Variants in PTPRN2 observed in about 807,000 individuals in gnomAD.
PTPRN2 encodes receptor-type tyrosine-protein phosphatase N2.
In PTPRN2, 74 loss-of-function variants were observed where a neutral mutation model predicts 118.8. The observed-to-expected ratio is 0.62, with a 90% confidence interval of 0.52 to 0.76. PTPRN2 has a LOEUF of 0.76. PTPRN2 is among the 30% of genes least tolerant of loss of function. The probability of loss-of-function intolerance (pLI) is 0.00; values close to 1 mark genes in which losing one functional copy is unlikely to be tolerated. For missense variants in PTPRN2, 1,481 were observed against 1,394.4 expected, an observed-to-expected ratio of 1.06 and a Z score of -0.99; for synonymous variants, 641 against 608.0, an observed-to-expected ratio of 1.05 and a Z score of -0.80.
At chr7:157,684,504 G>A (rs1338530023) in intron 12 of PTPRN2, among the ~76,000 whole-genome samples, 3 of 151,824 alleles carry the variant, frequency 2.0e-5, no homozygotes, top group Admixed American at 6.6e-5. Context: ...CGTTTGGTCC[G>A]GACCCCGCAG....
intron 6 of PTPRN2, among the ~76,000 whole-genome samples, chr7:158,143,934 T>TC (rs926799550): frequency 3.3e-5 from 5 of 150,864 alleles, no homozygotes; most frequent in South Asian, 2.1e-4. Flanking sequence ...GTGGCCACCG[T>TC]CCCCCCCGCA....
chr7:157,675,171 C>A (rs899013968), intron 13 of PTPRN2, among the ~76,000 whole-genome samples: 1 of 152,220 alleles, frequency 6.6e-6, no homozygotes, highest in Admixed American at 6.5e-5. Context: ...CCAACACCCA[C>A]TTTATTTCAC....
rs192147010 is a variant in PTPRN2, at chr7:158,149,672, C to T, written c.911-11157G>A. Among the ~76,000 whole-genome samples, 558 of 152,068 alleles carry T rather than the reference C, an allele frequency of 3.7e-3. 9 individuals are homozygous for T. Among genetic ancestry groups the T allele is most frequent in the African/African-American group, 0.013 (529 of 41,506 alleles). On this transcript the variant is annotated intron_variant, in intron 6 of 22. Transcript: ENST00000389418. ...TACAAAAATGACCCAGGCGTGGTGG[C>T]GCATGCCTGTAGTCCCAGCTACTCA... is the stretch of plus-strand genomic sequence containing the variant.
At chr7:157,913,593 A>T (rs188868064) in intron 11 of PTPRN2, among the ~76,000 whole-genome samples, 2 of 152,240 alleles carry the variant, frequency 1.3e-5, no homozygotes, top group South Asian at 4.1e-4. Context: ...CATTTTTATT[A>T]TGAATGAATG....
At chr7:158,068,512 G>C (rs1451009335) in intron 11 of PTPRN2, among the ~76,000 whole-genome samples, 1 of 152,220 alleles carries the variant, frequency 6.6e-6, no homozygotes, top group Non-Finnish European at 1.5e-5. Flanking sequence ...GGGAAGCATG[G>C]GCCTGCATTG....
intron 14 of PTPRN2, among the ~76,000 whole-genome samples, chr7:157,641,666 C>T (rs1804674030): frequency 6.6e-6 from 1 of 152,140 alleles, no homozygotes; most frequent in Non-Finnish European, 1.5e-5. Context: ...TCCTGTCTTT[C>T]CAAGATCACT....
chr7:158,497,938 G>A (rs538519753), intron 1 of PTPRN2, among the ~76,000 whole-genome samples: 1 of 152,350 alleles, frequency 6.6e-6, no homozygotes, highest in Admixed American at 6.5e-5. Flanking sequence ...AGCTGGGAGG[G>A]CACACACAAA....
intron 11 of PTPRN2, among the ~76,000 whole-genome samples, chr7:157,975,337 G>A (rs929575231): frequency 9.2e-5 from 14 of 152,148 alleles, no homozygotes; most frequent in South Asian, 2.1e-4. Context: ...GATAAGGACT[G>A]GATGCCAGCC....
At chr7:158,523,718 T>C (rs535572748) in intron 1 of PTPRN2, among the ~76,000 whole-genome samples, 734 of 21,734 alleles carry the variant, frequency 0.034, 2 homozygotes, top group East Asian at 0.099. Context: ...TGCCCTGGAG[T>C]GGAGTCTGCC....
intron 3 of PTPRN2, among the ~76,000 whole-genome samples, chr7:158,255,002 C>T (rs1395019550): frequency 3.9e-5 from 6 of 152,248 alleles, no homozygotes; most frequent in Non-Finnish European, 8.8e-5. Context: ...TCATGTCCCT[C>T]CCCTGCTGTC....
chr7:157,709,197 G>A (rs1025725265), intron 12 of PTPRN2, among the ~76,000 whole-genome samples: 2 of 152,180 alleles, frequency 1.3e-5, no homozygotes, highest in Non-Finnish European at 2.9e-5. Flanking sequence ...CACACAGAGC[G>A]GCCCTGCTGA....
chr7:158,168,082 C>G (rs374786095), intron 5 of PTPRN2, among the ~76,000 whole-genome samples: 3 of 152,340 alleles, frequency 2.0e-5, no homozygotes, highest in Middle Eastern at 6.8e-3. Flanking sequence ...TTTTCCAGCA[C>G]AGCAGCACCA....
In PTPRN2 at chr7:158,078,355, C is replaced by A. The variant is rs1044565661; in HGVS notation, c.1723+2943G>T. On this transcript the variant is annotated intron_variant, in intron 11 of 22. Coordinates refer to ENST00000389418, the MANE Select transcript of PTPRN2 (RefSeq NM_002847.5). The stretch of plus-strand genomic sequence containing the variant: ...TGGCAGGTGGCAGGTGCAGGCAGCA[C>A]CCAGCACTCCCAGTAATTTCAACAG... 5.3e-5 allele frequency among the ~76,000 whole-genome samples: 8 copies of A among 152,170 alleles called. No individual in the cohort carries two copies. The East Asian group carries it at 1.5e-3, about 29-fold the overall frequency.
chr7:158,150,487 C>T (rs1275160122), intron 6 of PTPRN2, among the ~76,000 whole-genome samples: 1 of 152,182 alleles, frequency 6.6e-6, no homozygotes, highest in East Asian at 1.9e-4. Context: ...GTGTCCCCTG[C>T]ACTGACCTTC....
In PTPRN2 at chr7:157,953,290, G is replaced by A. The variant is rs1035681457; in HGVS notation, c.1724-54553C>T. Among the ~76,000 whole-genome samples, 1 of 152,192 alleles carries A rather than the reference G, an allele frequency of 6.6e-6. No individual in the cohort carries two copies. Among genetic ancestry groups the A allele is most frequent in the African/African-American group, 2.4e-5 (1 of 41,452 alleles). On this transcript the variant is annotated intron_variant, in intron 11 of 22. Transcript: ENST00000389418. The surrounding 1 kb of genome is among the most constrained non-coding windows in gnomAD (Gnocchi z 4.6). ...CCGGGTGTGAGAAGCCTCCTTCCTA[G>A]GGCCTGTGTCTCTGGAGTGCACGAG...
intron 11 of PTPRN2, among the ~76,000 whole-genome samples, chr7:157,900,211 G>T (rs1320422921): frequency 6.6e-6 from 1 of 152,186 alleles, no homozygotes; most frequent in Non-Finnish European, 1.5e-5. Flanking sequence ...ACTGGGTCAG[G>T]CTCGGCAGGC....
At position 158,019,892 on chromosome 7, in the gene PTPRN2, G is replaced by A. The variant is rs1028481755; in HGVS notation, c.1723+61406C>T. Among the ~76,000 whole-genome samples, 25 of 152,228 alleles carry A rather than the reference G, an allele frequency of 1.6e-4. 1 individual carries two copies. The highest frequency in any genetic ancestry group is 1.4e-3 in the Admixed American group (22 of 15,286). ...GCGGCCCCCGGCATCCGCAGGACAC[G>A]GTTTTCCACTGTTTTACCAGTCCCT... On this transcript the variant is annotated intron_variant, in intron 11 of 22. Coordinates refer to ENST00000389418, the MANE Select transcript of PTPRN2 (RefSeq NM_002847.5).
Position 157,998,694 on chromosome 7 carries a change from G to A in PTPRN2, c.1723+82604C>T, listed in dbSNP as rs920920355. Among the ~76,000 whole-genome samples, 6 of 152,040 alleles carry A rather than the reference G, an allele frequency of 3.9e-5. No homozygotes were observed. In the South Asian group the frequency reaches 8.3e-4, roughly 21 times the overall value. On this transcript the variant is annotated intron_variant, in intron 11 of 22. Coordinates refer to ENST00000389418, the MANE Select transcript of PTPRN2 (RefSeq NM_002847.5). ...AAAAATTAGCTGGGTGTGTTGGCAG[G>A]CACCTGCAATCCCAGCTACTCGGGA...
rs188988786 is a variant in PTPRN2, at chr7:157,850,294, G to A, written c.1788+48379C>T. 1.6e-3 allele frequency among the ~76,000 whole-genome samples: 239 copies of A among 145,446 alleles called. 4 individuals carry two copies. The highest frequency in any genetic ancestry group is 5.7e-3 in the African/African-American group (229 of 40,482). The stretch of plus-strand genomic sequence containing the variant: ...TTCCGACATGGGGTGCCTCAGGCTC[G>A]CGTAAGGGATCCCAGGTCTCCGAAT... On this transcript the variant is annotated intron_variant, in intron 12 of 22. Transcript: ENST00000389418.
Sources: gnomAD v4.1 joint callset for allele counts (sites outside exome capture counted in the v4.1 genomes callset) on GRCh38, gnomAD v4.1.1 for gene constraint, Gnocchi (gnomAD v3.1) non-coding constraint, MANE v1.5 for transcripts, NCBI Gene and HGNC (gene_info 2026-07-23, HGNC 2026-07-21) for gene names.